Variants in IFI44L observed in about 807,000 individuals in gnomAD.
The protein encoded by IFI44L is interferon-induced protein 44-like.
IFI44L carries 40 observed loss-of-function variants against 39.3 expected under a neutral mutation model. The ratio of observed to expected loss-of-function variants is 1.02; its 90% confidence interval spans 0.79 to 1.33. The LOEUF is 1.33. Ranked by LOEUF, IFI44L falls within the 40% of genes most tolerant of loss-of-function variation. The probability of loss-of-function intolerance (pLI) is 0.00; values close to 1 mark genes in which losing one functional copy is unlikely to be tolerated. For missense variants in IFI44L, 623 were observed against 549.0 expected (o/e 1.13, Z -1.35); for synonymous variants, 198 against 182.3 (o/e 1.09, Z -0.69).
chr1:78,630,104 G>T, intron 4 of IFI44L, 189 bp downstream of exon 4: 2 of 576,800 alleles, frequency 3.5e-6, no homozygotes, highest in Non-Finnish European at 6.2e-6. Context: ...CAAATTTTAT[G>T]GATGGAAGAA....
intron 1 of IFI44L, among the ~76,000 whole-genome samples, chr1:78,624,921 T>A (rs1652427772): frequency 6.6e-6 from 1 of 152,204 alleles, no homozygotes; most frequent in South Asian, 2.1e-4. Context: ...CTTGCGGTTC[T>A]TGCAGTTACC....
At chr1:78,630,176 T>C (rs552451063) in intron 4 of IFI44L, 15 of 354,212 alleles carry the variant, frequency 4.2e-5, no homozygotes, top group African/African-American at 2.8e-4. Context: ...TTAAAAACCC[T>C]ATGAAAATCT....
At position 78,634,343 on chromosome 1, in the gene IFI44L, A is replaced by G. The variant is rs184898377; in HGVS notation, c.724-994A>G. 8.5e-5 allele frequency among the ~76,000 whole-genome samples: 13 copies of G among 152,292 alleles called. No homozygotes were observed. The East Asian group carries it at 2.5e-3, about 29-fold the overall frequency. On this transcript the variant is annotated intron_variant, in intron 4 of 8. Transcript: ENST00000370751. Reference sequence around the variant, plus strand: ...ACTGGAAGATAAAAAAGCAAATAACATATTAGAAAGTTTTAATATGACTAG... The same window carrying G: ...ACTGGAAGATAAAAAAGCAAATAACGTATTAGAAAGTTTTAATATGACTAG...
Position 78,637,949 on chromosome 1 carries a change from C to A in IFI44L, c.1048+746C>A, listed in dbSNP as rs537852184. Among the ~76,000 whole-genome samples the A allele has an allele frequency of 5.3e-4, 81 of 152,152 alleles. No individual in the cohort carries two copies. The East Asian group carries it at 0.015, about 28-fold the overall frequency. On this transcript the variant is annotated intron_variant, in intron 6 of 8. Coordinates refer to ENST00000370751, the MANE Select transcript of IFI44L (RefSeq NM_006820.4). Reference sequence around the variant, plus strand: ...AAGTTTTTATTCCTCTGGGGTACATCTCCAGAAATGTAATGCTGGATCATA... The same window carrying A: ...AAGTTTTTATTCCTCTGGGGTACATATCCAGAAATGTAATGCTGGATCATA...
chr1:78,639,335 A>G (rs1449643382), intron 6 of IFI44L, among the ~76,000 whole-genome samples: 2 of 152,072 alleles, frequency 1.3e-5, no homozygotes, highest in Non-Finnish European at 2.9e-5. Context: ...AGGGAAGGAC[A>G]TATCCATGGA....
chr1:78,629,655 G>A (rs542859434), intron 3 of IFI44L, 65 bp from the exon 4 acceptor site: 8 of 1,188,014 alleles, frequency 6.7e-6, no homozygotes, highest in South Asian at 1.7e-5. Context: ...GGTGACTTGA[G>A]ATGTTCTTTA....
At chr1:78,622,918 T>A (rs1652330073) in intron 1 of IFI44L, among the ~76,000 whole-genome samples, 1 of 152,220 alleles carries the variant, frequency 6.6e-6, no homozygotes, top group African/African-American at 2.4e-5. Flanking sequence ...CGCACTTTGA[T>A]AACTGCCTCA....
intron 1 of IFI44L, among the ~76,000 whole-genome samples, chr1:78,623,991 TTTTCTTTTCTTTTTTTCC>T (rs1364238892): frequency 1.3e-5 from 2 of 152,114 alleles, no homozygotes. Context: ...TCAACATTTC[TTTTCTTTTCTTTTTTTCC>T]TTTCTTTTCT....
In IFI44L at chr1:78,637,133, C is replaced by T; in HGVS notation, c.978C>T (p.Asn326=). The change falls in exon 6 of 9, where the codon AAC becomes AAT. Residue 326 remains asparagine, a synonymous_variant. Transcript: ENST00000370751. ...IHCVAYVLDI[N]SIDNLYSKML... Reference sequence around the variant, plus strand: ...GTGTGGCTTATGTCTTAGACATCAACTCTATTGACAATCTCTACTCTAAAA... The same window carrying T: ...GTGTGGCTTATGTCTTAGACATCAATTCTATTGACAATCTCTACTCTAAAA... 1 of 1,608,420 alleles carries T rather than the reference C, an allele frequency of 6.2e-7. No individual in the cohort carries two copies. Among genetic ancestry groups the T allele is most frequent in the South Asian group, 1.1e-5 (1 of 89,956 alleles).
At chr1:78,624,950 A>G (rs932520832) in intron 1 of IFI44L, among the ~76,000 whole-genome samples, 1 of 152,024 alleles carries the variant, frequency 6.6e-6, no homozygotes, top group African/African-American at 2.4e-5. Context: ...AGGTACCCTT[A>G]TTATCACTTG....
intron 6 of IFI44L, among the ~76,000 whole-genome samples, chr1:78,639,352 T>G (rs528860600): frequency 2.6e-5 from 4 of 152,278 alleles, no homozygotes; most frequent in Admixed American, 6.5e-5. Flanking sequence ...TGGATAGGGC[T>G]AAGGTGAATT....
chr1:78,639,060 T>A (rs970032747), intron 6 of IFI44L, among the ~76,000 whole-genome samples: 4 of 152,088 alleles, frequency 2.6e-5, no homozygotes, highest in African/African-American at 9.7e-5. Context: ...TAGGATACCC[T>A]GACATCACAG....
chr1:78,631,981 T>A (rs997238747), intron 4 of IFI44L, among the ~76,000 whole-genome samples: 1 of 152,148 alleles, frequency 6.6e-6, no homozygotes, highest in Non-Finnish European at 1.5e-5. Context: ...CAGTTATTGG[T>A]TTTATTTAAA....
rs1427826136 is a variant in IFI44L at position 78,642,655 on chromosome 1, A to C, written c.*846A>C. The C allele has an allele frequency of 6.6e-6, 1 of 152,150 alleles. No individual in the cohort carries two copies. Among genetic ancestry groups the C allele is most frequent in the African/African-American group, 2.4e-5 (1 of 41,446 alleles). 9.4% of individuals were successfully genotyped at this position (152,150 alleles called of 1,614,324 possible). On this transcript the variant is annotated 3_prime_UTR_variant, in exon 9 of 9. Coordinates refer to ENST00000370751, the MANE Select transcript of IFI44L (RefSeq NM_006820.4). ...GAAAAGCTGGGGAGAGGAAATAAAA[A>C]TAAAGAAGGAAGAGTGTTTCATTTA...
intron 6 of IFI44L, 87 bp from the exon 7 acceptor site, chr1:78,640,934 T>C: frequency 1.1e-6 from 1 of 889,064 alleles, no homozygotes; most frequent in Non-Finnish European, 1.8e-6. Context: ...AAAATCACCC[T>C]ATAGAGTTGC....
intron 4 of IFI44L, chr1:78,631,436 T>G (rs1652746591): frequency 6.6e-6 from 1 of 152,192 alleles, no homozygotes. Flanking sequence ...TTGATTTTAT[T>G]ACAGATTACA....
intron 6 of IFI44L, among the ~76,000 whole-genome samples, chr1:78,638,911 C>T (rs1653049535): frequency 1.3e-5 from 2 of 152,032 alleles, no homozygotes; most frequent in South Asian, 2.1e-4. Context: ...ATTTTAGGTA[C>T]TTTATTTTAT....
chr1:78,628,168 T>G lies in IFI44L; in HGVS notation c.253T>G (p.Phe85Val). The G allele has an allele frequency of 6.2e-7, 1 of 1,612,594 alleles. No homozygotes were observed. The highest frequency in any genetic ancestry group is 8.5e-7 in the Non-Finnish European group (1 of 1,179,254). The change falls in exon 2 of 9, where the codon TTT (phenylalanine) becomes GTT (valine). Residue 85 changes from phenylalanine to valine, a missense_variant. Physicochemically the swap from Phe to Val is conservative, Grantham distance 50. Transcript: ENST00000370751. Reference sequence around the variant, plus strand: ...TACAGAGCCAAATGATTCCCTATGGTTTTCACTTCAAAAGAAAAATGACAC... The same window carrying G: ...TACAGAGCCAAATGATTCCCTATGGGTTTCACTTCAAAAGAAAAATGACAC... ...SSTEPNDSLW[F>V]SLQKKNDTTE... is the part of the protein sequence containing the mutation.
chr1:78,637,531 A>G (rs1652995588), intron 6 of IFI44L, among the ~76,000 whole-genome samples: 1 of 152,064 alleles, frequency 6.6e-6, no homozygotes. Context: ...TTATAGTTCT[A>G]TGTCATTTTA....
Sources: gnomAD v4.1 joint callset for allele counts (sites outside exome capture counted in the v4.1 genomes callset) on GRCh38, gnomAD v4.1.1 for gene constraint, MANE v1.5 for transcripts, NCBI Gene and HGNC (gene_info 2026-07-23, HGNC 2026-07-21) for gene names.